STK3: variants seen among roughly 807,000 people sequenced by gnomAD.
The protein encoded by STK3 is serine/threonine-protein kinase 3.
A neutral mutation model predicts 58.0 loss-of-function variants in STK3; 41 were observed. That is an observed-to-expected ratio of 0.71 (90% CI 0.55 to 0.92). The LOEUF (loss-of-function observed/expected upper bound fraction) is 0.92, where lower values mean the gene tolerates loss of function less well. Among genes scored for constraint, STK3 ranks in the 40% least tolerant of loss-of-function variants. STK3 has a pLI of 0.00. For missense variants in STK3, 479 were observed against 602.7 expected, an observed-to-expected ratio of 0.79 and a Z score of 2.15; for synonymous variants, 170 against 191.0, an observed-to-expected ratio of 0.89 and a Z score of 0.91.
intron 1 of STK3, among the ~76,000 whole-genome samples, chr8:98,895,182 A>G (rs574143325): frequency 2.0e-5 from 3 of 152,264 alleles, no homozygotes; most frequent in South Asian, 2.1e-4. Context: ...AGTGTATGGT[A>G]TGGCGCAATG....
At chr8:98,820,199 C>T (rs1042676906) in intron 1 of STK3, among the ~76,000 whole-genome samples, 1 of 152,122 alleles carries the variant, frequency 6.6e-6, no homozygotes, top group Non-Finnish European at 1.5e-5. Flanking sequence ...CATATGACTT[C>T]AACCTTCAAT....
At chr8:98,614,529 G>C (rs1191953726) in intron 6 of STK3, among the ~76,000 whole-genome samples, 3 of 152,184 alleles carry the variant, frequency 2.0e-5, no homozygotes, top group South Asian at 2.1e-4. Context: ...GGTGATTTCT[G>C]CATTTCCATC....
the STK3 span, among the ~76,000 whole-genome samples, chr8:98,356,053 T>A: frequency 1.3e-5 from 2 of 152,294 alleles, no homozygotes; most frequent in South Asian, 2.1e-4. Flanking sequence ...TCACTGAGAT[T>A]TGTGAGTGCT....
intron 6 of STK3, among the ~76,000 whole-genome samples, chr8:98,688,315 A>G (rs1762526617): frequency 6.6e-6 from 1 of 152,202 alleles, no homozygotes; most frequent in Non-Finnish European, 1.5e-5. Context: ...CAGCCACACA[A>G]TAACAGTGGG....
At chr8:98,796,802 G>A (rs1587647858) in intron 1 of STK3, among the ~76,000 whole-genome samples, 1 of 152,104 alleles carries the variant, frequency 6.6e-6, no homozygotes, top group East Asian at 1.9e-4. Context: ...CAAAAGACAT[G>A]AACAAACTTT....
At chr8:98,921,489 G>C (rs1168425840) in intron 1 of STK3, 1 of 152,850 alleles carries the variant, frequency 6.5e-6, no homozygotes, top group East Asian at 1.9e-4. Flanking sequence ...AGCCAGATCA[G>C]CTGAATTAAT....
At chr8:98,709,072 C>A (rs1826194411) in intron 4 of STK3, among the ~76,000 whole-genome samples, 1 of 151,978 alleles carries the variant, frequency 6.6e-6, no homozygotes, top group Non-Finnish European at 1.5e-5. Flanking sequence ...AAGACTTAAT[C>A]AATCATGCCT....
intron 4 of STK3, among the ~76,000 whole-genome samples, chr8:98,748,949 A>G (rs964607893): frequency 1.3e-5 from 2 of 151,996 alleles, no homozygotes; most frequent in Non-Finnish European, 2.9e-5. Context: ...CTTTAAATAA[A>G]ATTCTAGCCA....
At chr8:98,475,225 T>G (rs1821218047) in intron 10 of STK3, among the ~76,000 whole-genome samples, 1 of 152,176 alleles carries the variant, frequency 6.6e-6, no homozygotes, top group South Asian at 2.1e-4. Context: ...GACATCTTAA[T>G]GCTGAGTAGG....
intron 6 of STK3, among the ~76,000 whole-genome samples, chr8:98,656,250 C>T (rs184908344): frequency 9.2e-5 from 14 of 151,896 alleles, no homozygotes; most frequent in African/African-American, 1.5e-4. Context: ...AAACCAAACA[C>T]TGCATGTTCT....
intron 10 of STK3, among the ~76,000 whole-genome samples, chr8:98,466,936 C>T (rs1324460058): frequency 6.6e-6 from 1 of 152,182 alleles, no homozygotes; most frequent in Middle Eastern, 3.2e-3. Context: ...AGGGTCACTA[C>T]TCCAATGGCC....
At chr8:98,374,500 A>C (rs2130992996) in intron 2 of STK3, among the ~76,000 whole-genome samples, 1 of 152,386 alleles carries the variant, frequency 6.6e-6, no homozygotes, top group South Asian at 2.1e-4. Context: ...GATTTCTGGC[A>C]GTAGCTTAGC....
intron 9 of STK3, among the ~76,000 whole-genome samples, chr8:98,539,863 C>T (rs1288275156): frequency 3.9e-5 from 6 of 152,162 alleles, no homozygotes; most frequent in Non-Finnish European, 7.3e-5. Flanking sequence ...CAGCGATTCT[C>T]CTGCCTCAGC....
intron 3 of STK3, among the ~76,000 whole-genome samples, chr8:98,830,710 C>T (rs1835495829): frequency 6.6e-6 from 1 of 152,126 alleles, no homozygotes; most frequent in Non-Finnish European, 1.5e-5. Context: ...GTGGCTCACG[C>T]CTGTAATCCC....
intron 6 of STK3, among the ~76,000 whole-genome samples, chr8:98,693,330 C>T (rs905343121): frequency 2.3e-4 from 35 of 151,890 alleles, no homozygotes; most frequent in African/African-American, 8.5e-4. Context: ...CCCAGGAATT[C>T]GAGGCTGCAA....
intron 3 of STK3, among the ~76,000 whole-genome samples, chr8:98,404,917 A>G (rs1295667541): frequency 6.6e-6 from 1 of 152,198 alleles, no homozygotes; most frequent in East Asian, 1.9e-4. Context: ...AGCTGAATGA[A>G]TAAGCACACA....
At chr8:98,787,694 T>A (rs1267599597) in intron 1 of STK3, among the ~76,000 whole-genome samples, 1 of 152,174 alleles carries the variant, frequency 6.6e-6, no homozygotes. Flanking sequence ...AAGCACCAGG[T>A]AACCTTTAAA....
At chr8:98,473,209 T>C (rs1821055088) in intron 10 of STK3, among the ~76,000 whole-genome samples, 1 of 152,086 alleles carries the variant, frequency 6.6e-6, no homozygotes, top group South Asian at 2.1e-4. Context: ...GCAATGCCAT[T>C]TACAAACATT....
intron 3 of STK3, among the ~76,000 whole-genome samples, chr8:98,417,056 C>T (rs1272374509): frequency 3.9e-5 from 6 of 152,172 alleles, no homozygotes; most frequent in Non-Finnish European, 8.8e-5. Context: ...CCAGGTGGGC[C>T]TAGAATGGAA....
Sources: allele counts gnomAD v4.1 joint callset (sites outside exome capture counted in the v4.1 genomes callset), GRCh38; gene constraint gnomAD v4.1.1; transcripts MANE v1.5; gene names NCBI Gene and HGNC (gene_info 2026-07-23, HGNC 2026-07-21).